ZDHHC21: variants seen among roughly 807,000 people sequenced by gnomAD.
The protein encoded by ZDHHC21 is palmitoyltransferase ZDHHC21.
In ZDHHC21, 15 loss-of-function variants were observed where a neutral mutation model predicts 34.6. The ratio of observed to expected loss-of-function variants is 0.43; its 90% confidence interval spans 0.29 to 0.67. ZDHHC21 has a LOEUF of 0.67. Ranked by LOEUF, ZDHHC21 falls within the 30% of genes least tolerant of loss-of-function variation. ZDHHC21 has a pLI of 0.14. For synonymous variants in ZDHHC21, 142 were observed against 101.8 expected (o/e 1.40, Z -2.38); for missense variants, 344 against 327.7 (o/e 1.05, Z -0.38).
intron 5 of ZDHHC21, among the ~76,000 whole-genome samples, chr9:14,668,262 G>C (rs1005100937): frequency 4.3e-5 from 6 of 138,346 alleles, no homozygotes; most frequent in African/African-American, 1.6e-4. Context: ...TTGCCTCAAA[G>C]AGAATAAAAT....
intron 8 of ZDHHC21, among the ~76,000 whole-genome samples, chr9:14,634,255 C>T (rs11536695): frequency 0.38 from 58,406 of 152,082 alleles, 11,628 homozygotes; most frequent in Non-Finnish European, 0.44. Context: ...ACACAAACCA[C>T]TTGGGAGGCA....
At chr9:14,641,465 A>C (rs1829358580) in intron 7 of ZDHHC21, among the ~76,000 whole-genome samples, 2 of 152,350 alleles carry the variant, frequency 1.3e-5, no homozygotes, top group South Asian at 4.1e-4. Flanking sequence ...TTGATACATT[A>C]AACAAGTTTG....
chr9:14,680,768 C>T (rs1346676134), intron 2 of ZDHHC21, among the ~76,000 whole-genome samples: 1 of 152,118 alleles, frequency 6.6e-6, no homozygotes, highest in African/African-American at 2.4e-5. Context: ...AAGAGAGGCT[C>T]TATCTTCAAT....
intron 8 of ZDHHC21, among the ~76,000 whole-genome samples, chr9:14,632,398 T>A (rs1005466714): frequency 6.6e-6 from 1 of 151,950 alleles, no homozygotes. Context: ...GTATCTACTG[T>A]AAAAGAATAA....
rs142572504 is a variant in ZDHHC21 at position 14,639,913 on chromosome 9, G to C, written c.604C>G (p.Leu202Val). 4.1e-5 allele frequency: 65 copies of C among 1,589,220 alleles called. 2 individuals carry two copies. In the African/African-American group the frequency reaches 7.9e-4, roughly 19 times the overall value. The change falls in exon 8 of 10, where the codon CTA becomes GTA. Residue 202 changes from leucine to valine, a missense_variant. By Grantham distance (32) the Leu-to-Val change is conservative. Coordinates refer to ENST00000380916, the MANE Select transcript of ZDHHC21 (RefSeq NM_178566.6). Reference protein sequence around the residue: ...VGITGLFYTQLIGIITDTTSI... With the variant: ...VGITGLFYTQVIGIITDTTSI... ...ATACTTACTGTGATGATGCCAATTA[G>C]TTGAGTGTAAAAGAGTCCAGTTATT...
chr9:14,650,249 T>C (rs1430057859), intron 7 of ZDHHC21, among the ~76,000 whole-genome samples: 1 of 152,002 alleles, frequency 6.6e-6, no homozygotes, highest in Non-Finnish European at 1.5e-5. Context: ...TCTGACATTA[T>C]TCTTTTCAAG....
In ZDHHC21 at chr9:14,618,410, T is replaced by C. The variant is rs865834174; in HGVS notation, c.*556A>G. On this transcript the variant is annotated 3_prime_UTR_variant, in exon 10 of 10. Transcript: ENST00000380916. ...AAGCAAGCCACTCCTAAGAAACCAA[T>C]GCCCGTTTTGTGTTGCTGTTGTTCA... The C allele has an allele frequency of 6.6e-6, 1 of 152,566 alleles. No individual in the cohort carries two copies. Among genetic ancestry groups the C allele is most frequent in the Non-Finnish European group, 1.5e-5 (1 of 68,000 alleles). 9.5% of individuals were successfully genotyped at this position (152,566 alleles called of 1,614,324 possible).
chr9:14,683,957 G>A (rs966759115), intron 2 of ZDHHC21, among the ~76,000 whole-genome samples: 14 of 152,064 alleles, frequency 9.2e-5, no homozygotes, highest in East Asian at 1.9e-4. Flanking sequence ...AAACCACACG[G>A]TTATCTCAAT....
intron 7 of ZDHHC21, among the ~76,000 whole-genome samples, chr9:14,646,370 CAG>C (rs1200391925): frequency 6.6e-6 from 1 of 151,990 alleles, no homozygotes; most frequent in Admixed American, 6.6e-5. Context: ...AAAGTTGTAA[CAG>C]TGAAATACAG....
intron 4 of ZDHHC21, 145 bp downstream of exon 4, chr9:14,674,042 A>G: frequency 2.2e-6 from 1 of 463,596 alleles, no homozygotes; most frequent in Non-Finnish European, 3.6e-6. Flanking sequence ...CCATAAGTTC[A>G]TAAATTAGTA....
At chr9:14,680,800 C>G (rs1176600881) in intron 2 of ZDHHC21, among the ~76,000 whole-genome samples, 1 of 152,116 alleles carries the variant, frequency 6.6e-6, no homozygotes, top group Non-Finnish European at 1.5e-5. Flanking sequence ...AGCAAACAGA[C>G]AAGACCAGTA....
At chr9:14,639,668 T>TA (rs1184735008) in intron 8 of ZDHHC21, among the ~76,000 whole-genome samples, 2 of 151,858 alleles carry the variant, frequency 1.3e-5, no homozygotes, top group African/African-American at 4.8e-5. Flanking sequence ...GTGATGTCTA[T>TA]AGTCATATAA....
intron 5 of ZDHHC21, among the ~76,000 whole-genome samples, chr9:14,662,608 T>G (rs1341206439): frequency 6.6e-6 from 1 of 152,226 alleles, no homozygotes; most frequent in East Asian, 1.9e-4. Context: ...CTGGGTATAC[T>G]GTGAGAATAT....
intron 8 of ZDHHC21, among the ~76,000 whole-genome samples, chr9:14,629,841 G>T (rs776787556): frequency 6.6e-6 from 1 of 152,072 alleles, no homozygotes; most frequent in Non-Finnish European, 1.5e-5. Flanking sequence ...GAGGTCAAGC[G>T]ATCGATACCA....
At chr9:14,683,402 T>A (rs193106290) in intron 2 of ZDHHC21, among the ~76,000 whole-genome samples, 1 of 152,128 alleles carries the variant, frequency 6.6e-6, no homozygotes, top group Admixed American at 6.5e-5. Flanking sequence ...CAAACTACCA[T>A]CAGAGAATAC....
intron 7 of ZDHHC21, among the ~76,000 whole-genome samples, chr9:14,650,323 A>G (rs1408942954): frequency 6.6e-6 from 1 of 152,042 alleles, no homozygotes; most frequent in African/African-American, 2.4e-5. Context: ...CAGGAACAAA[A>G]AAGCCAAATT....
intron 5 of ZDHHC21, among the ~76,000 whole-genome samples, chr9:14,666,744 T>C (rs1834520298): frequency 1.3e-5 from 1 of 74,842 alleles, no homozygotes. Flanking sequence ...TGCTCCTGAA[T>C]GACTACTGGG....
the ZDHHC21 span, among the ~76,000 whole-genome samples, chr9:14,591,643 C>A: frequency 6.6e-6 from 1 of 152,126 alleles, no homozygotes; most frequent in Non-Finnish European, 1.5e-5. Flanking sequence ...GGTCCATGAT[C>A]CCTTCATACA....
chr9:14,623,349 C>T (rs1825643556), intron 8 of ZDHHC21, among the ~76,000 whole-genome samples: 1 of 151,806 alleles, frequency 6.6e-6, no homozygotes, highest in Non-Finnish European at 1.5e-5. Flanking sequence ...CCTGTCTCTA[C>T]AAAAACAAAA....
Sources: allele counts gnomAD v4.1 joint callset (sites outside exome capture counted in the v4.1 genomes callset), GRCh38; gene constraint gnomAD v4.1.1; transcripts MANE v1.5; gene names NCBI Gene and HGNC (gene_info 2026-07-23, HGNC 2026-07-21).